AGRN: variants seen among roughly 807,000 people sequenced by gnomAD.
The protein encoded by AGRN is agrin.
In AGRN, 106 loss-of-function variants were observed where a neutral mutation model predicts 211.0. The observed-to-expected ratio is 0.50, with a 90% CI of 0.43 to 0.59. The LOEUF (loss-of-function observed/expected upper bound fraction) is 0.59. Ranked by LOEUF, AGRN falls within the 20% of genes least tolerant of loss-of-function variation. AGRN has a pLI of 0.00. For missense variants in AGRN, 3,040 were observed against 2,982.6 expected, an observed-to-expected ratio of 1.02 and a Z score of -0.45; for synonymous variants, 1,525 against 1,332.5, an observed-to-expected ratio of 1.14 and a Z score of -3.15.
In AGRN at chr1:1,031,390, A is replaced by T. The variant is rs1426825638; in HGVS notation, c.464-3887A>T. Among the ~76,000 whole-genome samples, 2 of 152,146 alleles carry T rather than the reference A, an allele frequency of 1.3e-5. No homozygotes were observed. The highest frequency in any genetic ancestry group is 2.9e-5 in the Non-Finnish European group (2 of 68,002). ...AGCCTGCGTGGGCTGGTCAGGGCTG[A>T]ATGATTTTGTCTGAAGATCCCAAAA... On this transcript the variant is annotated intron_variant, in intron 2 of 35. Transcript: ENST00000379370. This position sits in a 1 kb window ranked among gnomAD's most constrained non-coding sequence, Gnocchi z 4.8.
intron 33 of AGRN, chr1:1,052,019 G>T: frequency 6.5e-7 from 1 of 1,530,274 alleles, no homozygotes. Context: ...ATCCCCGTGT[G>T]AGTAGAGCTC....
At chr1:1,021,738 C>T (rs1280917697) in intron 1 of AGRN, among the ~76,000 whole-genome samples, 2 of 152,244 alleles carry the variant, frequency 1.3e-5, no homozygotes, top group African/African-American at 2.4e-5. Flanking sequence ...CTGTAGAAGC[C>T]CGAGGAAGGG....
rs1553170884 is a variant in AGRN at position 1,020,851 on chromosome 1, G to GGGC, written c.201+480_201+481insCGG. ...GTGGGGGGTGCCGCAGTGGTGCGGG[G>GGGC]GGGGGGCGTGCAGGAGCAGAGAGGT... On this transcript the variant is annotated intron_variant, in intron 1 of 35. Coordinates refer to ENST00000379370, the MANE Select transcript of AGRN (RefSeq NM_198576.4). 8.7e-5 allele frequency among the ~76,000 whole-genome samples: 13 copies of GGGC among 149,808 alleles called. 1 individual carries two copies. Among genetic ancestry groups the GGGC allele is most frequent in the South Asian group, 2.1e-4 (1 of 4,722 alleles).
intron 7 of AGRN, 103 bp downstream of exon 7, chr1:1,042,265 C>T (rs1644966293): frequency 2.9e-6 from 4 of 1,382,278 alleles, no homozygotes; most frequent in African/African-American, 1.4e-5. Context: ...CTCTTGGGGT[C>T]CTGGGAGTGG....
chr1:1,054,400 C>T (rs764023264), intron 34 of AGRN, 48 bp from the exon 35 acceptor site: 14 of 1,490,540 alleles, frequency 9.4e-6, no homozygotes, highest in East Asian at 2.4e-5. Context: ...CTAGAGGAGG[C>T]AGAGGGAACT....
At position 1,045,443 on chromosome 1, in the gene AGRN, G is replaced by A. The variant is rs202021682; in HGVS notation, c.2456G>A (p.Gly819Glu). 1.9e-6 allele frequency: 3 copies of A among 1,612,480 alleles called. No individual in the cohort carries two copies. In the Admixed American group the frequency reaches 5.0e-5, roughly 27 times the overall value. The change falls in exon 14 of 36, where the codon GGG becomes GAG. Residue 819 changes from glycine to glutamate, a missense_variant. Physicochemically the swap from Gly to Glu is moderately conservative, Grantham distance 98 (BLOSUM62 -2). Transcript: ENST00000379370. ...CAGTGCTCCTGCCGCCCAGGTGTGG[G>A]GGGCCTCAGGTGTGACCGCTGTGAG... is the stretch of plus-strand genomic sequence containing the variant. ...TGQCSCRPGV[G>E]GLRCDRCEPG...
Position 1,047,391 on chromosome 1 carries a change from G to A in AGRN, c.3453G>A (p.Thr1151=), listed in dbSNP as rs1350997043. The change falls in exon 20 of 36, where the codon ACG becomes ACA. Residue 1151 remains threonine, a synonymous_variant. Coordinates refer to ENST00000379370, the MANE Select transcript of AGRN (RefSeq NM_198576.4). ...EGVEGQELFY[T]PEMADPKSEL... The stretch of plus-strand genomic sequence containing the variant: ...TCGAGGGCCAGGAGCTGTTCTACAC[G>A]CCCGAGATGGCTGACCCCAAGTCAG... 1.1e-5 allele frequency: 17 copies of A among 1,612,274 alleles called. No individual in the cohort carries two copies. The highest frequency in any genetic ancestry group is 4.0e-5 in the African/African-American group (3 of 74,936).
intron 2 of AGRN, chr1:1,034,428 A>G (rs1644751278): frequency 5.1e-6 from 5 of 985,694 alleles, no homozygotes; most frequent in Non-Finnish European, 6.0e-6. Context: ...GTGAACTCTG[A>G]GGGCACAGCT....
chr1:1,021,323 C>A (rs1644397591), intron 1 of AGRN, among the ~76,000 whole-genome samples: 1 of 152,208 alleles, frequency 6.6e-6, no homozygotes, highest in Non-Finnish European at 1.5e-5. Context: ...GCCACCAGGC[C>A]CTCCCCCTGC....
At chr1:1,039,414 G>GGA (rs945567081) in intron 3 of AGRN, among the ~76,000 whole-genome samples, 1 of 151,698 alleles carries the variant, frequency 6.6e-6, no homozygotes, top group Admixed American at 6.6e-5. Flanking sequence ...TTGGAGATGG[G>GGA]GGGGGTTCCT....
chr1:1,048,456 TGGG>T lies in AGRN; in HGVS notation c.4105+94_4105+96del. 2 of 1,082,386 alleles carry T rather than the reference TGGG, an allele frequency of 1.8e-6. No individual in the cohort carries two copies. The highest frequency in any genetic ancestry group is 1.8e-5 in the South Asian group (1 of 56,302). 67.0% of individuals were successfully genotyped at this position (1,082,386 alleles called of 1,614,324 possible). On this transcript the variant is annotated intron_variant, in intron 23 of 35. Coordinates refer to ENST00000379370, the MANE Select transcript of AGRN (RefSeq NM_198576.4). The surrounding 1 kb of genome is among the most constrained non-coding windows in gnomAD (Gnocchi z 5.9). ...GCTAAGCCACCATCAGGCTTTGAGT[TGGG>T]GGCAGGAGCCCGGATTAAGGCGGGG...
rs1420735118 is a variant in AGRN, at chr1:1,032,619, G to A, written c.464-2658G>A. ...GCACTGGTGGCTGCCGGCAGCTGTCGTCTGCAGAGTGGGTGAGACCGAGTG... is the reference window on the plus strand; with the variant it reads ...GCACTGGTGGCTGCCGGCAGCTGTCATCTGCAGAGTGGGTGAGACCGAGTG... On this transcript the variant is annotated intron_variant, in intron 2 of 35. Transcript: ENST00000379370. This position sits in a 1 kb window ranked among gnomAD's most constrained non-coding sequence, Gnocchi z 4.7. 2.0e-5 allele frequency among the ~76,000 whole-genome samples: 3 copies of A among 152,124 alleles called. No homozygotes were observed. The highest frequency in any genetic ancestry group is 4.4e-5 in the Non-Finnish European group (3 of 68,024).
chr1:1,022,971 C>T (rs1557682603), intron 2 of AGRN, among the ~76,000 whole-genome samples: 1 of 152,222 alleles, frequency 6.6e-6, no homozygotes, highest in South Asian at 2.1e-4. Context: ...ATGGCTCTGC[C>T]GAAGGGCCGA....
At position 1,021,113 on chromosome 1, in the gene AGRN, G is replaced by C. The variant is rs74045083; in HGVS notation, c.201+740G>C. 9.7e-3 allele frequency among the ~76,000 whole-genome samples: 1,483 copies of C among 152,328 alleles called. 23 individuals are homozygous for C. The highest frequency in any genetic ancestry group is 0.033 in the African/African-American group (1,386 of 41,566). On this transcript the variant is annotated intron_variant, in intron 1 of 35. Transcript: ENST00000379370. ...CCCCCAAAACCATCTCCTGGGACCA[G>C]AAATCCACTCATTTCCCTCCACGGA... is the stretch of plus-strand genomic sequence containing the variant.
intron 7 of AGRN, among the ~76,000 whole-genome samples, chr1:1,042,525 T>C (rs1644972301): frequency 1.3e-5 from 2 of 151,974 alleles, no homozygotes; most frequent in South Asian, 4.2e-4. Flanking sequence ...CCGTCGGCCG[T>C]TTTGGAGGCA....
rs376524541 is a variant in AGRN at position 1,045,842 on chromosome 1, C to T, written c.2646C>T (p.Asp882=). 198 of 1,611,844 alleles carry T rather than the reference C, an allele frequency of 1.2e-4. No homozygotes were observed. Among genetic ancestry groups the T allele is most frequent in the Admixed American group, 6.8e-4 (41 of 59,986 alleles). Residue 882 remains aspartate (D), a synonymous_variant, in exon 15 of 36, where the codon GAC becomes GAT. Coordinates refer to ENST00000379370, the MANE Select transcript of AGRN (RefSeq NM_198576.4). The part of the protein sequence containing the change: ...VAGPKCGQCP[D]GRALGPAGCE... ...GACCCAAGTGTGGGCAGTGTCCAGA[C>T]GGCCGTGCCCTGGGCCCCGCGGGCT...
intron 2 of AGRN, among the ~76,000 whole-genome samples, chr1:1,024,179 G>C (rs1644469472): frequency 2.0e-5 from 3 of 152,102 alleles, no homozygotes. Context: ...ATCTCGGGTG[G>C]CTGGGGTCCC....
intron 12 of AGRN, 103 bp downstream of exon 12, chr1:1,044,542 C>G: frequency 5.7e-6 from 7 of 1,222,262 alleles, no homozygotes; most frequent in Non-Finnish European, 8.1e-6. Context: ...CCCCTGTGGA[C>G]GTGTGTATTG....
intron 19 of AGRN, 83 bp downstream of exon 19, chr1:1,047,040 A>G (rs768821574): frequency 3.0e-4 from 457 of 1,539,764 alleles, no homozygotes; most frequent in Non-Finnish European, 3.7e-4. Flanking sequence ...GCAGCAGGTC[A>G]GTGCCGGGGG....
Sources: allele counts gnomAD v4.1 joint callset (sites outside exome capture counted in the v4.1 genomes callset), GRCh38; gene constraint gnomAD v4.1.1; non-coding constraint Gnocchi (gnomAD v3.1); transcripts MANE v1.5; gene names NCBI Gene and HGNC (gene_info 2026-07-23, HGNC 2026-07-21).